Variants in ASPH observed in about 807,000 individuals in gnomAD.
ASPH encodes the protein aspartate beta-hydroxylase, also known as aspartyl/asparaginyl beta-hydroxylase.
A neutral mutation model predicts 118.4 loss-of-function variants in ASPH; 100 were observed. That is an observed-to-expected ratio of 0.84 (90% CI 0.72 to 1.00). The LOEUF is 1.00. Ranked by LOEUF, ASPH falls within the 50% of genes least tolerant of loss-of-function variation. The pLI, the probability that ASPH is intolerant of heterozygous loss-of-function variation, is 0.00. For synonymous variants in ASPH, 315 were observed against 325.6 expected (o/e 0.97, Z 0.35); for missense variants, 920 against 919.5 (o/e 1.00, Z -0.01).
chr8:61,579,008 C>T, intron 15 of ASPH: 1 of 1,610,628 alleles, frequency 6.2e-7, no homozygotes, highest in Non-Finnish European at 8.5e-7. Flanking sequence ...TTGCTGAGGT[C>T]AAGGCACAGT....
chr8:61,668,896 T>C (rs915195283), intron 3 of ASPH, among the ~76,000 whole-genome samples: 20 of 152,268 alleles, frequency 1.3e-4, no homozygotes, highest in African/African-American at 3.9e-4. Context: ...AGATTTATTT[T>C]TGAGTCTCTA....
chr8:61,672,794 G>A (rs1823271560), intron 3 of ASPH, among the ~76,000 whole-genome samples: 2 of 152,142 alleles, frequency 1.3e-5, no homozygotes, highest in South Asian at 4.1e-4. Context: ...TTTAACTTAT[G>A]AAAATAAAGT....
intron 3 of ASPH, chr8:61,656,755 T>C (rs780789140): frequency 7.2e-5 from 11 of 152,224 alleles, no homozygotes; most frequent in Non-Finnish European, 1.5e-4. Context: ...CCAATTTTAA[T>C]TAAAATTAGA....
At chr8:61,708,866 T>G (rs990273667) in intron 1 of ASPH, among the ~76,000 whole-genome samples, 2 of 114,848 alleles carry the variant, frequency 1.7e-5, no homozygotes, top group African/African-American at 6.5e-5. Context: ...CAGCAACCAC[T>G]CCCACCCCCC....
intron 3 of ASPH, chr8:61,665,518 C>T: frequency 6.4e-7 from 1 of 1,569,018 alleles, no homozygotes; most frequent in African/African-American, 1.4e-5. Context: ...CCTCTTTCTT[C>T]CCCTTTTTTC....
intron 3 of ASPH, chr8:61,662,722 A>G (rs1462158181): frequency 7.3e-6 from 3 of 410,952 alleles, no homozygotes; most frequent in Non-Finnish European, 9.8e-6. Flanking sequence ...ATCAAGTTCT[A>G]GTCTACAAGT....
chr8:61,623,045 C>T (rs965781411), intron 13 of ASPH, among the ~76,000 whole-genome samples: 2 of 152,146 alleles, frequency 1.3e-5, no homozygotes, highest in Non-Finnish European at 2.9e-5. Context: ...TCCATTTCTG[C>T]CCTTCCATCC....
At chr8:61,628,256 C>T in intron 13 of ASPH, 1 of 300,050 alleles carries the variant, frequency 3.3e-6, no homozygotes, top group South Asian at 2.8e-5. Context: ...ACCTCCTGGA[C>T]TCAAGGAATT....
At chr8:61,526,228 T>C in intron 21 of ASPH, 116 bp from the exon 22 acceptor site, 3 of 1,325,456 alleles carry the variant, frequency 2.3e-6, no homozygotes, top group Non-Finnish European at 3.1e-6. Flanking sequence ...TTGCCTTATC[T>C]AGATTGCTTA....
chr8:61,548,172 G>A lies in ASPH; in HGVS notation c.1663C>T (p.His555Tyr), dbSNP rs764041467. The A allele has an allele frequency of 6.2e-7, 1 of 1,613,894 alleles. No individual in the cohort carries two copies. The highest frequency in any genetic ancestry group is 8.5e-7 in the Non-Finnish European group (1 of 1,179,870). ...KWYELGHKRGHFASVWQRSLY... is the reference protein window; with the variant it reads ...KWYELGHKRGYFASVWQRSLY... ...GAGCGTTGCCAGACAGATGCAAAGT[G>A]TCCTCTCTTGTGCCCAAGCTCATAC... Residue 555 changes from histidine (H) to tyrosine (Y), a missense_variant, in exon 21 of 25, where the codon CAC becomes TAC. His to Tyr is a moderately conservative substitution (Grantham distance 83). Coordinates refer to ENST00000379454, the MANE Select transcript of ASPH (RefSeq NM_004318.4).
At chr8:61,522,211 C>G (rs1813352690) in intron 22 of ASPH, among the ~76,000 whole-genome samples, 1 of 152,138 alleles carries the variant, frequency 6.6e-6, no homozygotes, top group African/African-American at 2.4e-5. Flanking sequence ...CTCTAAAAAG[C>G]CAGTCCTTTA....
intron 16 of ASPH, among the ~76,000 whole-genome samples, chr8:61,569,081 C>T (rs899646077): frequency 2.6e-5 from 4 of 152,134 alleles, no homozygotes; most frequent in Non-Finnish European, 5.9e-5. Context: ...TCCATCTGTG[C>T]TAACAGGAGG....
intron 19 of ASPH, among the ~76,000 whole-genome samples, chr8:61,553,922 G>T (rs1297712184): frequency 6.6e-6 from 1 of 152,210 alleles, no homozygotes; most frequent in African/African-American, 2.4e-5. Flanking sequence ...GGAAGAAATT[G>T]TATTTACATA....
rs1804112440 is a variant in ASPH, at chr8:61,639,601, ACCACCTCATGT to A, written c.791-1249_791-1239del. Among the ~76,000 whole-genome samples the A allele has an allele frequency of 2.0e-5, 3 of 152,232 alleles. No homozygotes were observed. The South Asian group carries it at 6.2e-4, about 32-fold the overall frequency. On this transcript the variant is annotated intron_variant, in intron 10 of 24. Transcript: ENST00000379454. Reference sequence around the variant, plus strand: ...GCTTTCTTCAAAGTCCAGCCATAGAACCACCTCATGTCTCCCTCAATCTGCTCTCCTTAAGG... The same window carrying A: ...GCTTTCTTCAAAGTCCAGCCATAGAACTCCCTCAATCTGCTCTCCTTAAGG...
intron 1 of ASPH, among the ~76,000 whole-genome samples, chr8:61,703,967 G>A (rs147049480): frequency 2.4e-3 from 368 of 151,768 alleles, no homozygotes; most frequent in African/African-American, 7.5e-3. Flanking sequence ...AGGCCGAGGC[G>A]GGCGGATCAC....
At chr8:61,575,235 A>G (rs941458584) in intron 16 of ASPH, among the ~76,000 whole-genome samples, 2 of 152,162 alleles carry the variant, frequency 1.3e-5, no homozygotes, top group Non-Finnish European at 2.9e-5. Flanking sequence ...TCTTTACAGC[A>G]TGTCTTATTA....
At chr8:61,595,592 TGAGAAACTGTA>T (rs1391161415) in intron 14 of ASPH, among the ~76,000 whole-genome samples, 3 of 152,198 alleles carry the variant, frequency 2.0e-5, no homozygotes, top group African/African-American at 7.2e-5. Flanking sequence ...CAATGGCTTG[TGAGAAACTGTA>T]TATCAGGTAA....
chr8:61,670,423 C>T (rs1425440810), intron 3 of ASPH, among the ~76,000 whole-genome samples: 1 of 151,360 alleles, frequency 6.6e-6, no homozygotes, highest in African/African-American at 2.4e-5. Context: ...CTTCAGAATA[C>T]AGTTTTACAA....
At chr8:61,514,081 C>G (rs1809935522) in intron 24 of ASPH, among the ~76,000 whole-genome samples, 2 of 152,254 alleles carry the variant, frequency 1.3e-5, no homozygotes, top group Non-Finnish European at 2.9e-5. Flanking sequence ...CCTCAAACTT[C>G]TGGGCTCTGG....
Sources: gnomAD v4.1 joint callset for allele counts (sites outside exome capture counted in the v4.1 genomes callset) on GRCh38, gnomAD v4.1.1 for gene constraint, MANE v1.5 for transcripts, NCBI Gene and HGNC (gene_info 2026-07-23, HGNC 2026-07-21) for gene names.